C8orf34: variants seen among roughly 807,000 people sequenced by gnomAD.
C8orf34 encodes uncharacterized protein C8orf34.
Under a neutral mutation model 68.3 loss-of-function variants are expected in C8orf34, and 65 were observed. The observed-to-expected ratio is 0.95, with a 90% CI of 0.78 to 1.17. C8orf34 has a LOEUF of 1.17. Among genes scored for constraint, C8orf34 ranks in the 50% most tolerant of loss-of-function variants. The pLI, the probability that C8orf34 is intolerant of heterozygous loss-of-function variation, is 0.00. For synonymous variants in C8orf34, 244 were observed against 241.2 expected (o/e 1.01, Z -0.11); for missense variants, 664 against 655.4 (o/e 1.01, Z -0.14).
At chr8:68,650,543 G>GCA in intron 8 of C8orf34, among the ~76,000 whole-genome samples, 1 of 149,004 alleles carries the variant, frequency 6.7e-6, no homozygotes, top group South Asian at 2.2e-4. Flanking sequence ...GCAGTGGCAG[G>GCA]ATCTCGGCTC....
In C8orf34 at chr8:68,462,270, G is replaced by C. The variant is rs368364474; in HGVS notation, c.608-6422G>C. The stretch of plus-strand genomic sequence containing the variant: ...CCTAAATATATATGCACCCAATACA[G>C]GAACACCCAGATTCATAAAGCAAGT... On this transcript the variant is annotated intron_variant, in intron 3 of 13. Coordinates refer to ENST00000518698, the MANE Select transcript of C8orf34 (RefSeq NM_052958.4). Among the ~76,000 whole-genome samples the C allele has an allele frequency of 5.3e-5, 8 of 152,236 alleles. No homozygotes were observed. In the East Asian group the frequency reaches 1.5e-3, roughly 29 times the overall value.
Position 68,700,896 on chromosome 8 carries a change from C to T in C8orf34, c.1242-8098C>T, listed in dbSNP as rs144410994. Among the ~76,000 whole-genome samples the T allele has an allele frequency of 5.4e-3, 816 of 152,082 alleles. 10 individuals carry two copies. The highest frequency in any genetic ancestry group is 0.019 in the African/African-American group (772 of 41,516). On this transcript the variant is annotated intron_variant, in intron 8 of 13. Coordinates refer to ENST00000518698, the MANE Select transcript of C8orf34 (RefSeq NM_052958.4). ...TGGAAATTTAACATTTTGAAAGAGA[C>T]TTAGAAGTAACTTGATGAATGTTGT...
chr8:68,632,498 C>T (rs1039861790), intron 7 of C8orf34, among the ~76,000 whole-genome samples: 1 of 152,168 alleles, frequency 6.6e-6, no homozygotes. Flanking sequence ...AACCTATCTT[C>T]TGGCAATAAA....
chr8:68,386,164 C>A (rs1456887404), intron 1 of C8orf34, among the ~76,000 whole-genome samples: 6 of 152,214 alleles, frequency 3.9e-5, no homozygotes, highest in Middle Eastern at 3.4e-3. Context: ...ACCTCGGCCT[C>A]CTAAAATTCT....
At chr8:68,802,674 T>C (rs1308235779) in intron 12 of C8orf34, among the ~76,000 whole-genome samples, 1 of 152,008 alleles carries the variant, frequency 6.6e-6, no homozygotes, top group Non-Finnish European at 1.5e-5. Context: ...ATTTTTGTAG[T>C]TTTTGTGGAG....
chr8:68,586,137 C>T (rs1432336993), intron 7 of C8orf34, among the ~76,000 whole-genome samples: 1 of 152,120 alleles, frequency 6.6e-6, no homozygotes. Context: ...ATATAGTCTA[C>T]ATCTGGCTTT....
At chr8:68,513,737 G>A (rs1436680010) in intron 5 of C8orf34, among the ~76,000 whole-genome samples, 4 of 152,304 alleles carry the variant, frequency 2.6e-5, no homozygotes, top group South Asian at 4.1e-4. Flanking sequence ...GAAGGGGAAC[G>A]CAGTGGCAGC....
chr8:68,478,168 T>G (rs1430608244), intron 4 of C8orf34, among the ~76,000 whole-genome samples: 1 of 152,172 alleles, frequency 6.6e-6, no homozygotes, highest in Non-Finnish European at 1.5e-5. Context: ...AATTTTCAAG[T>G]TTTTATGCTC....
intron 4 of C8orf34, among the ~76,000 whole-genome samples, chr8:68,478,034 C>T (rs1450110355): frequency 6.6e-6 from 1 of 152,168 alleles, no homozygotes; most frequent in Non-Finnish European, 1.5e-5. Context: ...GCCCTGGAGA[C>T]ATTTTCCCCA....
chr8:68,419,493 A>T (rs1809845387), intron 1 of C8orf34, among the ~76,000 whole-genome samples: 1 of 151,816 alleles, frequency 6.6e-6, no homozygotes, highest in Non-Finnish European at 1.5e-5. Flanking sequence ...TACCCAAAGG[A>T]CTATAAATCA....
At chr8:68,763,113 ATTT>A (rs560710225) in intron 10 of C8orf34, among the ~76,000 whole-genome samples, 3 of 151,922 alleles carry the variant, frequency 2.0e-5, no homozygotes, top group Non-Finnish European at 4.4e-5. Flanking sequence ...AGATGGACTT[ATTT>A]TTTTTCAGTT....
chr8:68,418,464 G>A (rs892210483), intron 1 of C8orf34, among the ~76,000 whole-genome samples: 4 of 152,168 alleles, frequency 2.6e-5, no homozygotes, highest in Non-Finnish European at 4.4e-5. Context: ...TTTGAAATAC[G>A]TCCCATCAAT....
intron 11 of C8orf34, among the ~76,000 whole-genome samples, 160 bp downstream of exon 11, chr8:68,776,609 G>C (rs7833861): frequency 6.6e-6 from 1 of 152,028 alleles, no homozygotes; most frequent in Non-Finnish European, 1.5e-5. Context: ...AGGTTAGCAA[G>C]ACAGGTTTTG....
chr8:68,611,638 A>G (rs1357082277), intron 7 of C8orf34, among the ~76,000 whole-genome samples: 1 of 152,160 alleles, frequency 6.6e-6, no homozygotes, highest in Non-Finnish European at 1.5e-5. Flanking sequence ...CTCAAGTTTT[A>G]TAAGCTTTTA....
At chr8:68,438,930 A>T (rs1176601962) in intron 1 of C8orf34, 6 of 152,174 alleles carry the variant, frequency 3.9e-5, no homozygotes, top group Non-Finnish European at 1.5e-5. Context: ...AAGGAAGGAC[A>T]CGTAACAGGG....
At chr8:68,781,468 G>T (rs1014645992) in intron 11 of C8orf34, among the ~76,000 whole-genome samples, 1 of 152,158 alleles carries the variant, frequency 6.6e-6, no homozygotes, top group African/African-American at 2.4e-5. Context: ...ACACAAAGAA[G>T]TTGCTCTTGG....
At chr8:68,662,749 C>A (rs10102823) in intron 8 of C8orf34, among the ~76,000 whole-genome samples, 21,207 of 152,174 alleles carry the variant, frequency 0.14, 1,620 homozygotes, top group Middle Eastern at 0.23. Context: ...GATAAGGGAA[C>A]TTCATAGGAA....
At chr8:68,636,147 G>T (rs1481691885) in intron 7 of C8orf34, among the ~76,000 whole-genome samples, 1 of 152,116 alleles carries the variant, frequency 6.6e-6, no homozygotes, top group Admixed American at 6.5e-5. Flanking sequence ...AATTGGTTTT[G>T]GGAGTGCATT....
At chr8:68,622,641 A>G (rs533284940) in intron 7 of C8orf34, among the ~76,000 whole-genome samples, 2 of 152,210 alleles carry the variant, frequency 1.3e-5, no homozygotes, top group South Asian at 4.1e-4. Flanking sequence ...TCAAGATAGC[A>G]TCTTTGTTTT....
Sources: gnomAD v4.1 joint callset for allele counts (sites outside exome capture counted in the v4.1 genomes callset) on GRCh38, gnomAD v4.1.1 for gene constraint, MANE v1.5 for transcripts, NCBI Gene and HGNC (gene_info 2026-07-23, HGNC 2026-07-21) for gene names.